TBL1XR1: variants seen among roughly 807,000 people sequenced by gnomAD.
TBL1XR1 encodes the protein F-box-like/WD repeat-containing protein TBL1XR1.
TBL1XR1 carries 5 observed loss-of-function variants against 66.9 expected under a neutral mutation model. The observed-to-expected ratio is 0.07, with a 90% CI of 0.04 to 0.16. TBL1XR1 has a LOEUF of 0.16. Among genes scored for constraint, TBL1XR1 ranks in the 10% least tolerant of loss-of-function variants. The pLI is 1.00. For missense variants in TBL1XR1, 238 were observed against 623.2 expected, an observed-to-expected ratio of 0.38 and a Z score of 6.58; for synonymous variants, 210 against 206.0, an observed-to-expected ratio of 1.02 and a Z score of -0.17.
At chr3:177,124,444 A>G (rs747721631) in intron 1 of TBL1XR1, among the ~76,000 whole-genome samples, 28 of 151,270 alleles carry the variant, frequency 1.9e-4, no homozygotes, top group Non-Finnish European at 3.5e-4. Context: ...CCAAGTTATT[A>G]GACAGTTCTA....
intron 1 of TBL1XR1, among the ~76,000 whole-genome samples, chr3:177,181,654 A>G (rs1023672003): frequency 3.9e-5 from 6 of 152,082 alleles, no homozygotes; most frequent in African/African-American, 1.4e-4. Context: ...TGGTTTAAAG[A>G]GACAAAGGAC....
intron 1 of TBL1XR1, among the ~76,000 whole-genome samples, chr3:177,162,079 T>A (rs548378832): frequency 1.3e-5 from 2 of 152,320 alleles, no homozygotes; most frequent in Non-Finnish European, 2.9e-5. Flanking sequence ...TATATCTACA[T>A]CCTATTATCA....
intron 1 of TBL1XR1, among the ~76,000 whole-genome samples, chr3:177,185,056 C>T (rs762569248): frequency 5.3e-5 from 8 of 152,116 alleles, no homozygotes; most frequent in Non-Finnish European, 1.2e-4. Context: ...AAAAGCTTAA[C>T]CACATGCCTC....
At chr3:177,160,419 A>G (rs1732044751) in intron 1 of TBL1XR1, among the ~76,000 whole-genome samples, 1 of 151,350 alleles carries the variant, frequency 6.6e-6, no homozygotes, top group Non-Finnish European at 1.5e-5. Flanking sequence ...GCTTGCAGTG[A>G]GCCAAGATTG....
At chr3:177,070,633 G>A (rs1054825959) in intron 2 of TBL1XR1, among the ~76,000 whole-genome samples, 2 of 152,182 alleles carry the variant, frequency 1.3e-5, no homozygotes, top group African/African-American at 4.8e-5. Flanking sequence ...TGGATCACCT[G>A]AGGTCAGGAG....
intron 3 of TBL1XR1, among the ~76,000 whole-genome samples, chr3:177,057,539 A>G (rs766177260): frequency 6.6e-6 from 1 of 152,238 alleles, no homozygotes; most frequent in Non-Finnish European, 1.5e-5. Flanking sequence ...CTCCAGAAAA[A>G]GCATATGACT....
intron 1 of TBL1XR1, among the ~76,000 whole-genome samples, chr3:177,132,865 A>T (rs1215869364): frequency 3.3e-5 from 5 of 152,218 alleles, no homozygotes; most frequent in Non-Finnish European, 5.9e-5. Context: ...TTTCCACCCA[A>T]TAGCTTTCTT....
At chr3:177,080,413 A>G (rs780986968) in intron 2 of TBL1XR1, among the ~76,000 whole-genome samples, 5 of 152,198 alleles carry the variant, frequency 3.3e-5, no homozygotes, top group African/African-American at 7.2e-5. Flanking sequence ...ACTGCCCCTG[A>G]TGAAATAACT....
chr3:177,164,577 T>C lies in TBL1XR1; in HGVS notation c.-122+32544A>G, dbSNP rs546163232. On this transcript the variant is annotated intron_variant, in intron 1 of 15. Transcript: ENST00000457928. ...CTTGGCCACGCTGGTCTCAAACTCCTAACCTCATGATCCACCCGCCTCGGC... is the reference window on the plus strand; with the variant it reads ...CTTGGCCACGCTGGTCTCAAACTCCCAACCTCATGATCCACCCGCCTCGGC... 1.9e-4 allele frequency among the ~76,000 whole-genome samples: 29 copies of C among 152,278 alleles called. No homozygotes were observed. In the South Asian group the frequency reaches 4.8e-3, roughly 25 times the overall value.
In TBL1XR1 at chr3:177,053,757, A is replaced by G; in HGVS notation, c.204+16T>C. 6.2e-7 allele frequency: 1 copy of G among 1,607,064 alleles called. No homozygotes were observed. The highest frequency in any genetic ancestry group is 8.5e-7 in the Non-Finnish European group (1 of 1,176,268). On this transcript the variant is annotated intron_variant, in intron 4 of 15. Transcript: ENST00000457928. ...TAAGATGAAAAAAATCAGTATTTGA[A>G]ATAAGTCTTCCTTACCTCATTAATA...
intron 14 of TBL1XR1, among the ~76,000 whole-genome samples, chr3:177,028,718 AT>A (rs1369943479): frequency 6.6e-6 from 1 of 152,230 alleles, no homozygotes; most frequent in Non-Finnish European, 1.5e-5. Flanking sequence ...AAAATCCAAA[AT>A]TGTGTGCTCT....
At chr3:177,064,396 A>G (rs1274484310) in intron 3 of TBL1XR1, among the ~76,000 whole-genome samples, 1 of 152,204 alleles carries the variant, frequency 6.6e-6, no homozygotes, top group Non-Finnish European at 1.5e-5. Flanking sequence ...TTGGAAGATC[A>G]CTGATTGATT....
intron 1 of TBL1XR1, among the ~76,000 whole-genome samples, chr3:177,135,333 GTATACATATATATATATA>G (rs1450190840): frequency 3.5e-4 from 19 of 53,832 alleles, no homozygotes; most frequent in East Asian, 8.7e-4. Context: ...GTGTGTGTGT[GTATACATATATATATATA>G]TATATATATA....
intron 12 of TBL1XR1, among the ~76,000 whole-genome samples, chr3:177,037,192 A>G (rs527953444): frequency 6.6e-6 from 1 of 152,346 alleles, no homozygotes; most frequent in South Asian, 2.1e-4. Context: ...AACGCAAAGA[A>G]TTCCAATCAA....
At position 177,049,983 on chromosome 3, in the gene TBL1XR1, A is replaced by T. The variant is rs1480783499; in HGVS notation, c.702+14T>A. On this transcript the variant is annotated intron_variant, in intron 7 of 15. Transcript: ENST00000457928. ...ACTAGTAATTATATCCATCATGGATATAGTGATACTCACATTCCAATCTAG... is the reference window on the plus strand; with the variant it reads ...ACTAGTAATTATATCCATCATGGATTTAGTGATACTCACATTCCAATCTAG... 3.1e-6 allele frequency: 5 copies of T among 1,612,540 alleles called. No homozygotes were observed. The highest frequency in any genetic ancestry group is 4.2e-6 in the Non-Finnish European group (5 of 1,179,378).
At chr3:177,114,115 G>GTAGA (rs1416060845) in intron 1 of TBL1XR1, among the ~76,000 whole-genome samples, 1 of 152,016 alleles carries the variant, frequency 6.6e-6, no homozygotes, top group Non-Finnish European at 1.5e-5. Context: ...AAAATGTAGA[G>GTAGA]TAGATGTTAT....
intron 1 of TBL1XR1, among the ~76,000 whole-genome samples, chr3:177,150,080 C>T (rs1175722473): frequency 6.6e-6 from 1 of 152,090 alleles, no homozygotes; most frequent in Non-Finnish European, 1.5e-5. Context: ...CGTTTTTTCT[C>T]TTATCTGATT....
At chr3:177,038,471 A>T in intron 10 of TBL1XR1, 37 bp from the exon 11 acceptor site, 1 of 1,461,354 alleles carries the variant, frequency 6.8e-7, no homozygotes, top group Non-Finnish European at 9.1e-7. Flanking sequence ...CTTTTATTCC[A>T]CATGTACTAA....
At chr3:177,117,617 T>C (rs1181511961) in intron 1 of TBL1XR1, among the ~76,000 whole-genome samples, 3 of 152,218 alleles carry the variant, frequency 2.0e-5, no homozygotes, top group African/African-American at 7.2e-5. Flanking sequence ...ATGTGCTCTA[T>C]AAATTCTATT....
Sources: allele counts gnomAD v4.1 joint callset (sites outside exome capture counted in the v4.1 genomes callset), GRCh38; gene constraint gnomAD v4.1.1; transcripts MANE v1.5; gene names NCBI Gene and HGNC (gene_info 2026-07-23, HGNC 2026-07-21).